NFATC3: variants seen among roughly 807,000 people sequenced by gnomAD.
The protein encoded by NFATC3 is nuclear factor of activated T cells 3.
NFATC3 carries 46 observed loss-of-function variants against 98.6 expected under a neutral mutation model. That is an observed-to-expected ratio of 0.47 (90% CI 0.37 to 0.60). The LOEUF (loss-of-function observed/expected upper bound fraction) is 0.60, where lower values mean the gene tolerates loss of function less well. Among genes scored for constraint, NFATC3 ranks in the 20% least tolerant of loss-of-function variants. The pLI, the probability that NFATC3 is intolerant of heterozygous loss-of-function variation, is 0.00. For missense variants in NFATC3, 1,256 were observed against 1,295.5 expected, an observed-to-expected ratio of 0.97 and a Z score of 0.47; for synonymous variants, 512 against 472.2, an observed-to-expected ratio of 1.08 and a Z score of -1.09.
At chr16:68,090,341 G>GCACACGCA (rs2034644030) in intron 1 of NFATC3, among the ~76,000 whole-genome samples, 1 of 122,620 alleles carries the variant, frequency 8.2e-6, no homozygotes, top group African/African-American at 3.1e-5. Context: ...ACACACACAC[G>GCACACGCA]CACACACACA....
chr16:68,188,630 C>T (rs2040314009), intron 8 of NFATC3, among the ~76,000 whole-genome samples: 2 of 152,218 alleles, frequency 1.3e-5, no homozygotes, highest in African/African-American at 4.8e-5. Flanking sequence ...AATCCCCTTG[C>T]AATAGGGATC....
intron 8 of NFATC3, among the ~76,000 whole-genome samples, chr16:68,187,278 A>G (rs918166925): frequency 6.6e-6 from 1 of 152,164 alleles, no homozygotes; most frequent in African/African-American, 2.4e-5. Context: ...CAGAGCCCCA[A>G]AGAGGGTGTC....
At chr16:68,197,067 A>G (rs948912939) in intron 9 of NFATC3, among the ~76,000 whole-genome samples, 3 of 152,030 alleles carry the variant, frequency 2.0e-5, no homozygotes, top group Middle Eastern at 3.4e-3. Context: ...ATAAAAACCC[A>G]TAGACCTTGA....
chr16:68,120,499 A>G (rs1191066305), intron 1 of NFATC3, among the ~76,000 whole-genome samples: 2 of 151,204 alleles, frequency 1.3e-5, no homozygotes. Context: ...GAATCGCCTG[A>G]ACTTCGGAGG....
chr16:68,224,794 T>C (rs192567814), intron 9 of NFATC3: 11 of 152,314 alleles, frequency 7.2e-5, no homozygotes, highest in Admixed American at 7.2e-4. Flanking sequence ...TGGAAGATTT[T>C]TAAAATCTTT....
intron 9 of NFATC3, among the ~76,000 whole-genome samples, chr16:68,213,302 G>T (rs1402786894): frequency 6.6e-6 from 1 of 150,886 alleles, no homozygotes; most frequent in Non-Finnish European, 1.5e-5. Context: ...GTGGTCCCAG[G>T]TACTCAGGAG....
rs149199606 is a variant in NFATC3, at chr16:68,155,782, A to G, written c.1402-2087A>G. On this transcript the variant is annotated intron_variant, in intron 3 of 9. Coordinates refer to ENST00000346183, the MANE Select transcript of NFATC3 (RefSeq NM_173165.3). Reference sequence around the variant, plus strand: ...CTGCTTGAGTCTCTAGACTTTTTTTATACTAAATGTCCATTAAAACAATAA... The same window carrying G: ...CTGCTTGAGTCTCTAGACTTTTTTTGTACTAAATGTCCATTAAAACAATAA... 5.9e-5 allele frequency among the ~76,000 whole-genome samples: 9 copies of G among 152,272 alleles called. No homozygotes were observed. The East Asian group carries it at 1.3e-3, about 23-fold the overall frequency.
intron 3 of NFATC3, among the ~76,000 whole-genome samples, chr16:68,132,334 A>C (rs954451337): frequency 1.3e-5 from 2 of 152,194 alleles, no homozygotes; most frequent in Admixed American, 1.3e-4. Context: ...AGATTCTGGT[A>C]TAGTATATAG....
At chr16:68,166,401 A>G (rs1421613032) in intron 4 of NFATC3, among the ~76,000 whole-genome samples, 1 of 152,162 alleles carries the variant, frequency 6.6e-6, no homozygotes, top group Non-Finnish European at 1.5e-5. Context: ...CTTTCTCTGC[A>G]CCATGCTAGT....
At position 68,157,986 on chromosome 16, in the gene NFATC3, G is replaced by T; in HGVS notation, c.1519G>T (p.Ala507Ser). ...QVHRITGKTV[A>S]TASQEIIIAS... Reference sequence around the variant, plus strand: ...GCATCGAATCACTGGGAAGACAGTCGCTACTGCAAGCCAAGAGATAATAAT... The same window carrying T: ...GCATCGAATCACTGGGAAGACAGTCTCTACTGCAAGCCAAGAGATAATAAT... Residue 507 changes from alanine (A) to serine (S), a missense_variant, in exon 4 of 10, where the codon GCT (alanine) becomes TCT (serine). Transcript: ENST00000346183. 1.2e-6 allele frequency: 2 copies of T among 1,613,886 alleles called. No individual in the cohort carries two copies. The highest frequency in any genetic ancestry group is 8.5e-7 in the Non-Finnish European group (1 of 1,179,900).
chr16:68,181,973 A>G (rs773642453), intron 7 of NFATC3, among the ~76,000 whole-genome samples: 16 of 152,200 alleles, frequency 1.1e-4, no homozygotes, highest in Non-Finnish European at 1.6e-4. Flanking sequence ...TTTACCTAGT[A>G]TTAAAGTAAA....
At chr16:68,092,840 T>C (rs1408414801) in intron 1 of NFATC3, among the ~76,000 whole-genome samples, 4 of 152,248 alleles carry the variant, frequency 2.6e-5, no homozygotes, top group Non-Finnish European at 5.9e-5. Flanking sequence ...AGCTTATTGC[T>C]ATCCTTTTAT....
In NFATC3 at chr16:68,174,442, G is replaced by A. The variant is rs751099526; in HGVS notation, c.1843G>A (p.Gly615Ser). The change falls in exon 6 of 10, where the codon GGT (glycine) becomes AGT (serine). Residue 615 changes from glycine to serine, a missense_variant. By Grantham distance (56) the Gly-to-Ser change is moderately conservative. Around this residue, in one of 3 missense-constraint regions of NFATC3, gnomAD observed 636 missense variants for 617.3 expected, o/e 1.03. Coordinates refer to ENST00000346183, the MANE Select transcript of NFATC3 (RefSeq NM_173165.3). ...YSINSCSVNGGHEMVVTGSNF... is the reference protein window; with the variant it reads ...YSINSCSVNGSHEMVVTGSNF... ...TATCAACAGTTGTTCTGTAAATGGA[G>A]GTCATGAAATGGTTGTGACTGGATC... 2.5e-6 allele frequency: 4 copies of A among 1,606,584 alleles called. No individual in the cohort carries two copies. Among genetic ancestry groups the A allele is most frequent in the South Asian group, 1.1e-5 (1 of 89,290 alleles).
At chr16:68,212,408 A>G (rs1026320395) in intron 9 of NFATC3, 1 of 152,182 alleles carries the variant, frequency 6.6e-6, no homozygotes, top group Non-Finnish European at 1.5e-5. Flanking sequence ...TTTCCCTTCT[A>G]AGTAGGTTAG....
At chr16:68,159,151 G>T (rs922674439) in intron 4 of NFATC3, among the ~76,000 whole-genome samples, 3 of 152,188 alleles carry the variant, frequency 2.0e-5, no homozygotes, top group Non-Finnish European at 2.9e-5. Flanking sequence ...AGGATCACTT[G>T]CCCGGGAGGC....
intron 1 of NFATC3, among the ~76,000 whole-genome samples, chr16:68,118,990 C>T (rs1028152033): frequency 1.3e-5 from 2 of 152,166 alleles, no homozygotes; most frequent in East Asian, 3.8e-4. Context: ...ACCTCAGCCT[C>T]CCGAGCAGCT....
At chr16:68,192,230 A>AAAAAATATATAT (rs1555522047) in intron 9 of NFATC3, 2 of 82,582 alleles carry the variant, frequency 2.4e-5, no homozygotes, top group African/African-American at 1.1e-4. Flanking sequence ...AAAAAAAAAA[A>AAAAAATATATAT]ATATATATAT....
At chr16:68,221,686 AGCACTACTTT>A in intron 9 of NFATC3, 1 of 729,532 alleles carries the variant, frequency 1.4e-6, no homozygotes, top group Non-Finnish European at 1.7e-6. Flanking sequence ...AGTCCGCTTG[AGCACTACTTT>A]GTGGAAAATC....
chr16:68,130,755 C>G (rs907573317), intron 3 of NFATC3, among the ~76,000 whole-genome samples: 1 of 151,978 alleles, frequency 6.6e-6, no homozygotes, highest in African/African-American at 2.4e-5. Flanking sequence ...GTGTTTTCTT[C>G]TAGTAGTTTT....
Sources: gnomAD v4.1 joint callset for allele counts (sites outside exome capture counted in the v4.1 genomes callset) on GRCh38, gnomAD v4.1.1 for gene constraint, gnomAD v4.1.1 regional missense constraint, MANE v1.5 for transcripts, NCBI Gene and HGNC (gene_info 2026-07-23, HGNC 2026-07-21) for gene names.